The following SEC31B variants were observed in gnomAD, a reference collection of about 807,000 sequenced individuals.
SEC31B encodes the protein protein transport protein Sec31B.
In SEC31B, 113 loss-of-function variants were observed where a neutral mutation model predicts 135.0. The ratio of observed to expected loss-of-function variants is 0.84; its 90% CI spans 0.72 to 0.98. SEC31B has a LOEUF of 0.98. SEC31B is among the 50% of genes least tolerant of loss of function. The pLI, the probability that SEC31B is intolerant of heterozygous loss-of-function variation, is 0.00. For missense variants in SEC31B, 1,296 were observed against 1,421.1 expected, an observed-to-expected ratio of 0.91 and a Z score of 1.42; for synonymous variants, 508 against 549.4, an observed-to-expected ratio of 0.92 and a Z score of 1.05.
At chr10:100,513,903 G>A (rs1001026005) in intron 3 of SEC31B, among the ~76,000 whole-genome samples, 2 of 151,852 alleles carry the variant, frequency 1.3e-5, no homozygotes, top group African/African-American at 2.4e-5. Flanking sequence ...TTAAAATCTC[G>A]GCCGGGTACA....
At chr10:100,517,661 T>C (rs549643221) in intron 1 of SEC31B, among the ~76,000 whole-genome samples, 1 of 152,350 alleles carries the variant, frequency 6.6e-6, no homozygotes, top group South Asian at 2.1e-4. Flanking sequence ...AGATACTTAA[T>C]GGGGGAGGGA....
intron 10 of SEC31B, 44 bp downstream of exon 10, chr10:100,505,316 AC>A: frequency 6.2e-7 from 1 of 1,602,356 alleles, no homozygotes; most frequent in Non-Finnish European, 8.5e-7. Context: ...ACACACACAC[AC>A]ACACACACAA....
Position 100,502,434 on chromosome 10 carries a change from C to T in SEC31B, c.1230G>A (p.Leu410=), listed in dbSNP as rs1405390264. The change falls in exon 11 of 26, where the codon CTG becomes CTA. Residue 410 remains leucine (L), a synonymous_variant. Coordinates refer to ENST00000370345, the MANE Select transcript of SEC31B (RefSeq NM_015490.4). Reference sequence around the variant, plus strand: ...CTAGGCGGGGGCAAGGCTGTGGCACCAGATGGGCAGGGGTGCTGGGGAGGC... The same window carrying T: ...CTAGGCGGGGGCAAGGCTGTGGCACTAGATGGGCAGGGGTGCTGGGGAGGC... ...TFGLPSTPAH[L]VPQPCPRLVF... 3.7e-6 allele frequency: 6 copies of T among 1,614,060 alleles called. No homozygotes were observed.
intron 24 of SEC31B, among the ~76,000 whole-genome samples, chr10:100,488,654 G>C (rs972345287): frequency 2.6e-5 from 4 of 151,950 alleles, no homozygotes; most frequent in African/African-American, 9.7e-5. Flanking sequence ...AATGCTGCTG[G>C]GTCCTACCAC....
At chr10:100,495,337 TG>T (rs767407784) in intron 19 of SEC31B, 47 bp downstream of exon 19, 1 of 1,538,516 alleles carries the variant, frequency 6.5e-7, no homozygotes, top group African/African-American at 1.4e-5. Context: ...GAACCATGCT[TG>T]GCACGTATTA....
chr10:100,490,369 G>A (rs958131417), intron 20 of SEC31B, 47 bp from the exon 21 acceptor site: 1 of 1,569,170 alleles, frequency 6.4e-7, no homozygotes, highest in African/African-American at 1.4e-5. Context: ...CTTCATTTCA[G>A]GAGCAACTCA....
In SEC31B at chr10:100,496,263, C is replaced by A. The variant is rs1851406126; in HGVS notation, c.2305G>T (p.Ala769Ser). Reference protein sequence around the residue: ...TAMSFLPRDCAQPPVQQLRDR... With the variant: ...TAMSFLPRDCSQPPVQQLRDR... ...CTCCACATGGCCCCACTTACCTGAG[C>A]ACAGTCCCTGGGTAGAAAGCTCATG... is the stretch of plus-strand genomic sequence containing the variant. Residue 769 changes from alanine to serine, a missense_variant, in exon 18 of 26, where the codon GCT becomes TCT. By Grantham distance (99) the Ala-to-Ser change is moderately conservative. Transcript: ENST00000370345. 2 of 1,614,006 alleles carry A rather than the reference C, an allele frequency of 1.2e-6. No homozygotes were observed. The highest frequency in any genetic ancestry group is 8.5e-7 in the Non-Finnish European group (1 of 1,179,910).
Position 100,500,614 on chromosome 10 carries a change from C to G in SEC31B, c.1411-1016G>C, listed in dbSNP as rs189029388. Among the ~76,000 whole-genome samples the G allele has an allele frequency of 2.1e-3, 312 of 152,168 alleles. 1 individual carries two copies. The highest frequency in any genetic ancestry group is 2.6e-3 in the Non-Finnish European group (178 of 68,000). On this transcript the variant is annotated intron_variant, in intron 11 of 25. Coordinates refer to ENST00000370345, the MANE Select transcript of SEC31B (RefSeq NM_015490.4). ...TACAGGCGTGAGCCACCGCACCCAG[C>G]CTTGTGAGTCTAAATGTTTCTTTGA... is the stretch of plus-strand genomic sequence containing the variant.
At position 100,509,494 on chromosome 10, in the gene SEC31B, C is replaced by G; in HGVS notation, c.221G>C (p.Trp74Ser). ...SALSRFHKLV[W>S]GSFGSGLLES... ...CAGAAGCCCACTGCCAAAGCTCCCC[C>G]AGACCAGCTTGTGAAACCTATAAAG... Residue 74 changes from tryptophan to serine, a missense_variant, in exon 4 of 26, where the codon TGG (tryptophan) becomes TCG (serine). By Grantham distance (177) the Trp-to-Ser change is radical. Coordinates refer to ENST00000370345, the MANE Select transcript of SEC31B (RefSeq NM_015490.4). 1 of 1,612,664 alleles carries G rather than the reference C, an allele frequency of 6.2e-7. No homozygotes were observed. The highest frequency in any genetic ancestry group is 8.5e-7 in the Non-Finnish European group (1 of 1,179,184).
chr10:100,498,226 C>A lies in SEC31B; in HGVS notation c.1685-19G>T. 6.2e-7 allele frequency: 1 copy of A among 1,613,626 alleles called. No homozygotes were observed. The highest frequency in any genetic ancestry group is 1.7e-5 in the Admixed American group (1 of 60,016). ...TCAATATCTGCAGGCAGAAGCATCCCCTGTGCATTAGTTGCTCTCAAACCC... is the reference window on the plus strand; with the variant it reads ...TCAATATCTGCAGGCAGAAGCATCCACTGTGCATTAGTTGCTCTCAAACCC... On this transcript the variant is annotated intron_variant, in intron 14 of 25. Coordinates refer to ENST00000370345, the MANE Select transcript of SEC31B (RefSeq NM_015490.4).
At chr10:100,488,586 A>G (rs1256528814) in intron 24 of SEC31B, among the ~76,000 whole-genome samples, 1 of 152,036 alleles carries the variant, frequency 6.6e-6, no homozygotes, top group Non-Finnish European at 1.5e-5. Context: ...GGGGAATGGC[A>G]GACTTCCTCA....
chr10:100,509,760 A>G (rs1851705874), intron 3 of SEC31B, among the ~76,000 whole-genome samples: 1 of 152,146 alleles, frequency 6.6e-6, no homozygotes, highest in South Asian at 2.1e-4. Flanking sequence ...GTGGAGGTGT[A>G]TATATATACA....
chr10:100,489,136 C>A, intron 23 of SEC31B, 116 bp downstream of exon 23: 1 of 1,441,336 alleles, frequency 6.9e-7, no homozygotes. Context: ...ACACCTGGTA[C>A]CTGCCCCCAG....
At chr10:100,505,609 G>T (rs1044331353) in intron 9 of SEC31B, 114 bp from the exon 10 acceptor site, 21 of 1,466,864 alleles carry the variant, frequency 1.4e-5, no homozygotes, top group Middle Eastern at 2.5e-4. Context: ...GACCTAGAAA[G>T]GTCAGACTCC....
intron 1 of SEC31B, 157 bp from the exon 2 acceptor site, chr10:100,517,154 C>G (rs1448940453): frequency 1.2e-5 from 7 of 582,768 alleles, no homozygotes; most frequent in Non-Finnish European, 2.1e-5. Flanking sequence ...AGTTCATTCA[C>G]CCAATTACTG....
chr10:100,514,831 A>C (rs1851797411), intron 3 of SEC31B, among the ~76,000 whole-genome samples: 1 of 152,074 alleles, frequency 6.6e-6, no homozygotes, highest in Non-Finnish European at 1.5e-5. Flanking sequence ...TAACAAAAAA[A>C]TTAGCCAGGT....
intron 3 of SEC31B, among the ~76,000 whole-genome samples, chr10:100,510,693 T>C (rs374150197): frequency 3.9e-5 from 6 of 152,324 alleles, no homozygotes; most frequent in Middle Eastern, 3.4e-3. Flanking sequence ...AGGCAGGAAC[T>C]TGTTAGGCCA....
intron 3 of SEC31B, among the ~76,000 whole-genome samples, chr10:100,510,412 T>C (rs1160054917): frequency 6.6e-6 from 1 of 152,234 alleles, no homozygotes; most frequent in East Asian, 1.9e-4. Context: ...TCTAACAAGA[T>C]AATGCCAATG....
chr10:100,496,466 A>G (rs773301929), intron 17 of SEC31B, 35 bp from the exon 18 acceptor site: 218 of 1,609,676 alleles, frequency 1.4e-4, no homozygotes, highest in Middle Eastern at 1.7e-4. Context: ...TAAGCCTTCA[A>G]TGAGGCATAT....
Sources: allele counts gnomAD v4.1 joint callset (sites outside exome capture counted in the v4.1 genomes callset), GRCh38; gene constraint gnomAD v4.1.1; transcripts MANE v1.5; gene names NCBI Gene and HGNC (gene_info 2026-07-23, HGNC 2026-07-21).